UBE3D: variants seen among roughly 807,000 people sequenced by gnomAD.
The protein encoded by UBE3D is E3 ubiquitin-protein ligase E3D.
UBE3D carries 48 observed loss-of-function variants against 49.6 expected under a neutral mutation model. The ratio of observed to expected loss-of-function variants is 0.97; its 90% CI spans 0.77 to 1.23. UBE3D has a LOEUF of 1.23. Ranked by LOEUF, UBE3D falls within the 50% of genes most tolerant of loss-of-function variation. The pLI is 0.00. For missense variants in UBE3D, 452 were observed against 468.4 expected (o/e 0.96, Z 0.32); for synonymous variants, 189 against 174.2 (o/e 1.08, Z -0.67).
chr6:83,038,341 T>C (rs1191647553), intron 5 of UBE3D, 75 bp downstream of exon 5: 10 of 1,189,678 alleles, frequency 8.4e-6, no homozygotes, highest in African/African-American at 1.5e-5. Flanking sequence ...CTTTCCTATA[T>C]ATTTACTATA....
At chr6:83,001,284 A>G (rs565374270) in intron 8 of UBE3D, among the ~76,000 whole-genome samples, 3 of 152,294 alleles carry the variant, frequency 2.0e-5, no homozygotes, top group South Asian at 2.1e-4. Context: ...CTAGATTGTA[A>G]TAAGTCTGTG....
At chr6:82,934,377 G>A (rs956145540) in intron 9 of UBE3D, among the ~76,000 whole-genome samples, 1 of 152,082 alleles carries the variant, frequency 6.6e-6, no homozygotes, top group Non-Finnish European at 1.5e-5. Context: ...TTTTTACTTT[G>A]TTCTGTTATT....
intron 8 of UBE3D, among the ~76,000 whole-genome samples, chr6:82,975,814 T>C (rs1777675803): frequency 6.6e-6 from 1 of 152,178 alleles, no homozygotes; most frequent in Admixed American, 6.5e-5. Context: ...TCAGTCAAGT[T>C]GCTATAGATA....
chr6:83,027,458 A>AAAAAAAAAAAAAAAAAAAAAG (rs571635643), intron 5 of UBE3D, among the ~76,000 whole-genome samples: 2 of 147,568 alleles, frequency 1.4e-5, no homozygotes, highest in African/African-American at 2.5e-5. Flanking sequence ...AAAAAAAAAA[A>AAAAAAAAAAAAAAAAAAAAAG]AAAGAAACCA....
At chr6:83,029,652 T>G (rs1426187112) in intron 5 of UBE3D, among the ~76,000 whole-genome samples, 1 of 152,218 alleles carries the variant, frequency 6.6e-6, no homozygotes, top group Non-Finnish European at 1.5e-5. Context: ...CTAATAATTT[T>G]TAGACAGAAG....
At position 83,019,012 on chromosome 6, in the gene UBE3D, T is replaced by G. The variant is rs774598009; in HGVS notation, c.971A>C (p.Lys324Thr). ...ADSSSAWSAV[K>T]VLYQPCIKSR... ...TTTGATGCATGGCTGGTAGAGGACC[T>G]TGACAGCACTCCAGGCAGAACTAGA... is the stretch of plus-strand genomic sequence containing the variant. Residue 324 changes from lysine (K) to threonine (T), a missense_variant, in exon 8 of 10, where the codon AAG becomes ACG. Physicochemically the swap from Lys to Thr is moderately conservative, Grantham distance 78 (BLOSUM62 -1). Transcript: ENST00000369747. 1 of 1,613,676 alleles carries G rather than the reference T, an allele frequency of 6.2e-7. No individual in the cohort carries two copies. Among genetic ancestry groups the G allele is most frequent in the South Asian group, 1.1e-5 (1 of 90,972 alleles).
intron 8 of UBE3D, among the ~76,000 whole-genome samples, chr6:83,012,927 G>A (rs1382215651): frequency 2.6e-5 from 4 of 152,166 alleles, no homozygotes; most frequent in African/African-American, 9.6e-5. Context: ...ATATCGTGCA[G>A]AACCATTTGT....
intron 8 of UBE3D, among the ~76,000 whole-genome samples, chr6:82,999,101 C>T (rs906073997): frequency 6.6e-6 from 1 of 152,164 alleles, no homozygotes; most frequent in African/African-American, 2.4e-5. Context: ...ATCCCTTCTC[C>T]CTCTTGTGCC....
At chr6:82,943,831 AAT>A (rs1036835518) in intron 9 of UBE3D, among the ~76,000 whole-genome samples, 2 of 152,056 alleles carry the variant, frequency 1.3e-5, no homozygotes. Flanking sequence ...GAGTGCAGTG[AAT>A]ATGAGACTTC....
chr6:82,909,646 AT>A (rs1367054871), intron 9 of UBE3D, among the ~76,000 whole-genome samples: 1 of 152,136 alleles, frequency 6.6e-6, no homozygotes, highest in Admixed American at 6.5e-5. Flanking sequence ...GGTGGGGCAA[AT>A]TAGAACTCTT....
intron 9 of UBE3D, among the ~76,000 whole-genome samples, chr6:82,899,453 T>C (rs1771572719): frequency 6.6e-6 from 1 of 152,222 alleles, no homozygotes; most frequent in African/African-American, 2.4e-5. Context: ...CTTTAAGCCA[T>C]GAGGCACTAT....
At chr6:83,048,079 CAA>C (rs35344320) in intron 3 of UBE3D, among the ~76,000 whole-genome samples, 113 of 48,058 alleles carry the variant, frequency 2.4e-3, no homozygotes, top group Middle Eastern at 0.025. Flanking sequence ...GACTCCAGCT[CAA>C]AAAAAAAAAA....
chr6:82,933,440 A>G (rs1216969067), intron 9 of UBE3D, among the ~76,000 whole-genome samples: 1 of 152,210 alleles, frequency 6.6e-6, no homozygotes, highest in East Asian at 1.9e-4. Flanking sequence ...TGTAGAAAGC[A>G]CTCTGCAATT....
Position 83,044,440 on chromosome 6 carries a change from G to C in UBE3D, c.585C>G (p.Asn195Lys). 6.2e-7 allele frequency: 1 copy of C among 1,613,902 alleles called. No homozygotes were observed. The highest frequency in any genetic ancestry group is 8.5e-7 in the Non-Finnish European group (1 of 1,179,840). ...PVEMCCVSSD[N>K]HCKLEPKANT... ...AATGATATTTTACCAATTTACAATG[G>C]TTGTCAGAAGAAACACAGCACATCT... The change falls in exon 4 of 10, where the codon AAC becomes AAG. Residue 195 changes from asparagine (N) to lysine (K), a missense_variant. By Grantham distance (94) the Asn-to-Lys change is moderately conservative. Coordinates refer to ENST00000369747, the MANE Select transcript of UBE3D (RefSeq NM_198920.3).
At chr6:82,970,887 G>T (rs1430859385) in intron 8 of UBE3D, among the ~76,000 whole-genome samples, 2 of 151,790 alleles carry the variant, frequency 1.3e-5, no homozygotes, top group East Asian at 3.9e-4. Flanking sequence ...AAAAACTAGG[G>T]ACTCTCTCTC....
Position 83,022,517 on chromosome 6 carries a change from A to C in UBE3D, c.782T>G (p.Leu261Arg), listed in dbSNP as rs759449934. 1 of 1,606,622 alleles carries C rather than the reference A, an allele frequency of 6.2e-7. No individual in the cohort carries two copies. The highest frequency in any genetic ancestry group is 8.5e-7 in the Non-Finnish European group (1 of 1,177,104). ...TCTAAAAGTGCTTCTAGCAGAGGAG[A>C]GCTGCACCAGACACTGGGCGATCAC... ...QSVIAQCLVQLSSARSTFRFT... is the reference protein window; with the variant it reads ...QSVIAQCLVQRSSARSTFRFT... The change falls in exon 7 of 10, where the codon CTC (leucine) becomes CGC (arginine). Residue 261 changes from leucine (L) to arginine (R), a missense_variant. Coordinates refer to ENST00000369747, the MANE Select transcript of UBE3D (RefSeq NM_198920.3).
chr6:83,008,102 G>T (rs1431131251), intron 8 of UBE3D, among the ~76,000 whole-genome samples: 4 of 152,116 alleles, frequency 2.6e-5, no homozygotes, highest in Admixed American at 2.0e-4. Flanking sequence ...TCTTGATTAG[G>T]GTTTCTCAAA....
intron 1 of UBE3D, among the ~76,000 whole-genome samples, chr6:83,064,056 G>C (rs1159489084): frequency 1.3e-5 from 2 of 152,090 alleles, no homozygotes; most frequent in Non-Finnish European, 2.9e-5. Flanking sequence ...GCAAGAAAAA[G>C]GAATGGACTA....
chr6:83,055,640 G>A (rs928549751), intron 2 of UBE3D, among the ~76,000 whole-genome samples: 6 of 152,176 alleles, frequency 3.9e-5, no homozygotes, highest in African/African-American at 1.4e-4. Flanking sequence ...CGTTGCTGCG[G>A]GGGATCAATC....
Sources: allele counts gnomAD v4.1 joint callset (sites outside exome capture counted in the v4.1 genomes callset), GRCh38; gene constraint gnomAD v4.1.1; transcripts MANE v1.5; gene names NCBI Gene and HGNC (gene_info 2026-07-23, HGNC 2026-07-21).